Variants in INO80D observed in about 807,000 individuals in gnomAD.
INO80D encodes the protein INO80 complex subunit D.
INO80D carries 21 observed loss-of-function variants against 87.6 expected under a neutral mutation model. That is an observed-to-expected ratio of 0.24 (90% CI 0.17 to 0.35). The LOEUF (loss-of-function observed/expected upper bound fraction) is 0.35, where lower values mean the gene tolerates loss of function less well. INO80D is among the 10% of genes least tolerant of loss of function. The pLI is 1.00. For missense variants in INO80D, 982 were observed against 1,280.7 expected, an observed-to-expected ratio of 0.77 and a Z score of 3.56; for synonymous variants, 440 against 491.0, an observed-to-expected ratio of 0.90 and a Z score of 1.37.
chr2:206,078,059 T>TAAAAAAA (rs1559467210), intron 1 of INO80D, among the ~76,000 whole-genome samples: 2 of 8,952 alleles, frequency 2.2e-4, no homozygotes, highest in Non-Finnish European at 2.4e-4. Context: ...TTGCAATGTT[T>TAAAAAAA]ACAAAAAAAA....
At chr2:206,067,379 A>G (rs1246241998) in intron 1 of INO80D, among the ~76,000 whole-genome samples, 1 of 152,144 alleles carries the variant, frequency 6.6e-6, no homozygotes, top group Non-Finnish European at 1.5e-5. Flanking sequence ...TGGGAGGAAT[A>G]AGCCCTAGTG....
chr2:206,063,034 T>C lies in INO80D; in HGVS notation c.-18A>G, dbSNP rs1369866228. The C allele has an allele frequency of 1.3e-6, 2 of 1,562,070 alleles. No homozygotes were observed. The highest frequency in any genetic ancestry group is 1.8e-6 in the Non-Finnish European group (2 of 1,137,160). The stretch of plus-strand genomic sequence containing the variant: ...TCATACATCACGTGACTCTATTCCT[T>C]GTGAACATCAGCTAAAAGGCCACCA... On this transcript the variant is annotated 5_prime_UTR_variant, in exon 3 of 11. Coordinates refer to ENST00000403263, the MANE Select transcript of INO80D (RefSeq NM_017759.5).
At chr2:206,010,716 C>T (rs1487428285) in intron 8 of INO80D, among the ~76,000 whole-genome samples, 4 of 152,158 alleles carry the variant, frequency 2.6e-5, no homozygotes, top group African/African-American at 9.7e-5. Flanking sequence ...TAATCCTACT[C>T]AAATGCTTGA....
At position 206,005,042 on chromosome 2, in the gene INO80D, T is replaced by C; in HGVS notation, c.2410A>G (p.Ser804Gly). ...SQRPHPAQLLSKADDLITSRQ... is the reference protein window; with the variant it reads ...SQRPHPAQLLGKADDLITSRQ... Reference sequence around the variant, plus strand: ...GAGGTGATTAGGTCATCTGCCTTGCTCAGCAGCTGGGCAGGATGTGGCCTC... The same window carrying C: ...GAGGTGATTAGGTCATCTGCCTTGCCCAGCAGCTGGGCAGGATGTGGCCTC... Residue 804 changes from serine to glycine, a missense_variant, in exon 11 of 11, where the codon AGC (serine) becomes GGC (glycine). Transcript: ENST00000403263. 1 of 1,613,960 alleles carries C rather than the reference T, an allele frequency of 6.2e-7. No homozygotes were observed. The highest frequency in any genetic ancestry group is 8.5e-7 in the Non-Finnish European group (1 of 1,179,868).
chr2:206,067,252 A>T (rs1689843193), intron 1 of INO80D, among the ~76,000 whole-genome samples: 1 of 152,060 alleles, frequency 6.6e-6, no homozygotes, highest in Non-Finnish European at 1.5e-5. Flanking sequence ...CTCCAAAAAA[A>T]AAAAAAGAAG....
chr2:205,996,207 A>G lies in INO80D; in HGVS notation c.*8161T>C, dbSNP rs150476250. The G allele has an allele frequency of 1.9e-4, 29 of 152,200 alleles. No homozygotes were observed. The highest frequency in any genetic ancestry group is 7.8e-4 in the Admixed American group (12 of 15,292). 9.4% of individuals were successfully genotyped at this position (152,200 alleles called of 1,614,324 possible). A position where few individuals can be genotyped will look rare whatever the true frequency, so the allele number is the denominator to read the frequency against. On this transcript the variant is annotated 3_prime_UTR_variant, in exon 11 of 11. Coordinates refer to ENST00000403263, the MANE Select transcript of INO80D (RefSeq NM_017759.5). ...ACCAAAACTTGTATCTTCTGGGAAAATTTCAGAGATAAAGATCTTTAAAAG... is the reference window on the plus strand; with the variant it reads ...ACCAAAACTTGTATCTTCTGGGAAAGTTTCAGAGATAAAGATCTTTAAAAG...
intron 6 of INO80D, among the ~76,000 whole-genome samples, chr2:206,021,222 A>G (rs980319099): frequency 2.0e-5 from 3 of 152,222 alleles, no homozygotes; most frequent in South Asian, 2.1e-4. Flanking sequence ...CAGGGTTTCA[A>G]TGGAATTATT....
intron 4 of INO80D, among the ~76,000 whole-genome samples, chr2:206,052,168 A>C (rs973794745): frequency 6.6e-6 from 1 of 152,034 alleles, no homozygotes; most frequent in African/African-American, 2.4e-5. Context: ...AACCTGACCA[A>C]ACTGCTTTTT....
At chr2:206,039,168 C>T (rs7566616) in intron 5 of INO80D, among the ~76,000 whole-genome samples, 5,577 of 152,108 alleles carry the variant, frequency 0.037, 136 homozygotes, top group East Asian at 0.072. Flanking sequence ...GAGGCCAAGG[C>T]GGGCAGATCA....
At chr2:206,073,976 TG>T (rs527296968) in intron 1 of INO80D, among the ~76,000 whole-genome samples, 39 of 152,274 alleles carry the variant, frequency 2.6e-4, no homozygotes, top group African/African-American at 8.2e-4. Flanking sequence ...ACCAAACTGC[TG>T]GGATTACAGG....
Position 206,005,080 on chromosome 2 carries a change from C to T in INO80D, c.2372G>A (p.Ser791Asn), listed in dbSNP as rs752504655. 2 of 1,613,946 alleles carry T rather than the reference C, an allele frequency of 1.2e-6. No individual in the cohort carries two copies. The highest frequency in any genetic ancestry group is 2.2e-5 in the South Asian group (2 of 91,086). Residue 791 changes from serine (S) to asparagine (N), a missense_variant, in exon 11 of 11, where the codon AGC (serine) becomes AAC (asparagine). Transcript: ENST00000403263. ...AGGATGTGGCCTCTGGGAGGCATGGCTGCCGTCATGAAGTCCATGAAACTG... is the reference window on the plus strand; with the variant it reads ...AGGATGTGGCCTCTGGGAGGCATGGTTGCCGTCATGAAGTCCATGAAACTG... ...PGQFHGLHDG[S>N]HASQRPHPAQ...
intron 8 of INO80D, among the ~76,000 whole-genome samples, chr2:206,016,700 G>A (rs1688326892): frequency 6.6e-6 from 1 of 152,178 alleles, no homozygotes; most frequent in South Asian, 2.1e-4. Flanking sequence ...GGAGGGACCT[G>A]GTGGGAGACG....
intron 5 of INO80D, among the ~76,000 whole-genome samples, chr2:206,036,951 A>G (rs1688911213): frequency 6.6e-6 from 1 of 152,186 alleles, no homozygotes; most frequent in East Asian, 1.9e-4. Flanking sequence ...CATCTTCAGG[A>G]TGCTTCCCAC....
intron 4 of INO80D, among the ~76,000 whole-genome samples, chr2:206,054,939 C>T (rs1689475194): frequency 6.6e-6 from 1 of 152,144 alleles, no homozygotes; most frequent in Non-Finnish European, 1.5e-5. Context: ...AGCCACTAAG[C>T]CCAGCCTATA....
At chr2:206,014,172 A>C (rs1009797270) in intron 8 of INO80D, among the ~76,000 whole-genome samples, 4 of 148,112 alleles carry the variant, frequency 2.7e-5, no homozygotes, top group African/African-American at 4.9e-5. Context: ...AAAAAAAAAA[A>C]AACAACCTAT....
At chr2:206,041,876 G>A (rs1689060388) in intron 5 of INO80D, among the ~76,000 whole-genome samples, 1 of 152,188 alleles carries the variant, frequency 6.6e-6, no homozygotes, top group Non-Finnish European at 1.5e-5. Flanking sequence ...GGCTGGGCAT[G>A]GTGGCTCATG....
At chr2:206,007,620 GA>G (rs771353577) in intron 9 of INO80D, among the ~76,000 whole-genome samples, 179 bp from the exon 10 acceptor site, 1 of 152,126 alleles carries the variant, frequency 6.6e-6, no homozygotes, top group Non-Finnish European at 1.5e-5. Flanking sequence ...GCACGAGTTC[GA>G]GATCAGCCTG....
chr2:206,049,708 T>G (rs1689296775), intron 4 of INO80D, among the ~76,000 whole-genome samples: 2 of 152,194 alleles, frequency 1.3e-5, no homozygotes, highest in African/African-American at 4.8e-5. Flanking sequence ...ATTTAAATAC[T>G]CTTTGCTGAC....
At chr2:206,042,447 G>A (rs1251411754) in intron 5 of INO80D, among the ~76,000 whole-genome samples, 1 of 151,070 alleles carries the variant, frequency 6.6e-6, no homozygotes, top group South Asian at 2.1e-4. Context: ...TTTGGGAGGC[G>A]GAGGCAGGTG....
Sources: allele counts gnomAD v4.1 joint callset (sites outside exome capture counted in the v4.1 genomes callset), GRCh38; gene constraint gnomAD v4.1.1; transcripts MANE v1.5; gene names NCBI Gene and HGNC (gene_info 2026-07-23, HGNC 2026-07-21).